Variants in TSPEAR observed in about 807,000 individuals in gnomAD.
TSPEAR encodes thrombospondin-type laminin G domain and EAR repeat-containing protein.
In TSPEAR, 69 loss-of-function variants were observed where a neutral mutation model predicts 71.6. The observed-to-expected ratio is 0.96, with a 90% confidence interval of 0.79 to 1.18. The LOEUF is 1.18. Ranked by LOEUF, TSPEAR falls within the 50% of genes most tolerant of loss-of-function variation. The pLI is 0.00. For missense variants in TSPEAR, 971 were observed against 894.9 expected (o/e 1.09, Z -1.09); for synonymous variants, 402 against 387.2 (o/e 1.04, Z -0.45).
chr21:44,679,731 C>A (rs1258392663), intron 1 of TSPEAR, among the ~76,000 whole-genome samples: 4 of 152,154 alleles, frequency 2.6e-5, no homozygotes, highest in African/African-American at 9.7e-5. Flanking sequence ...AGAAATAAAT[C>A]CATATATTTA....
At chr21:44,539,732 G>T (rs782810142) in intron 2 of TSPEAR, 2 of 1,612,580 alleles carry the variant, frequency 1.2e-6, no homozygotes, top group South Asian at 2.2e-5. Flanking sequence ...CACACAGCAG[G>T]ACTGCTGGCT....
intron 2 of TSPEAR, among the ~76,000 whole-genome samples, chr21:44,549,318 G>C (rs959228052): frequency 5.3e-5 from 8 of 152,300 alleles, no homozygotes; most frequent in African/African-American, 1.9e-4. Context: ...AACACTAAAG[G>C]ACTGATCAGG....
chr21:44,501,628 G>A (rs2052032756), intron 11 of TSPEAR, among the ~76,000 whole-genome samples: 1 of 152,112 alleles, frequency 6.6e-6, no homozygotes, highest in South Asian at 2.1e-4. Context: ...GCCAGGCATG[G>A]TTGGCCCATG....
At chr21:44,629,130 C>G (rs587696871) in intron 1 of TSPEAR, among the ~76,000 whole-genome samples, 4 of 152,332 alleles carry the variant, frequency 2.6e-5, no homozygotes, top group Admixed American at 1.3e-4. Context: ...CCACACCCCC[C>G]ACACTGGTGA....
chr21:44,684,472 T>C (rs116273005), intron 1 of TSPEAR, among the ~76,000 whole-genome samples: 2,641 of 152,306 alleles, frequency 0.017, 74 homozygotes, highest in African/African-American at 0.061. Context: ...AGTTCGAAGC[T>C]GCAGTGAGCT....
At chr21:44,500,118 C>T (rs937053202) in intron 11 of TSPEAR, among the ~76,000 whole-genome samples, 182 bp from the exon 12 acceptor site, 3 of 152,204 alleles carry the variant, frequency 2.0e-5, no homozygotes, top group African/African-American at 4.8e-5. Flanking sequence ...TCTCATCTTG[C>T]AAAGCAGGAG....
chr21:44,652,908 G>A (rs1555941747), intron 1 of TSPEAR, among the ~76,000 whole-genome samples: 1 of 152,172 alleles, frequency 6.6e-6, no homozygotes, highest in East Asian at 1.9e-4. Context: ...TGTAATCCCA[G>A]CACTTTGGGA....
intron 1 of TSPEAR, among the ~76,000 whole-genome samples, chr21:44,667,621 C>T (rs782271621): frequency 3.3e-5 from 5 of 152,116 alleles, no homozygotes; most frequent in Non-Finnish European, 5.9e-5. Context: ...AGTGAAGGGT[C>T]CCATGGACAG....
chr21:44,533,997 G>T, intron 2 of TSPEAR, 74 bp from the exon 3 acceptor site: 1 of 1,117,270 alleles, frequency 9.0e-7, no homozygotes, highest in Non-Finnish European at 1.3e-6. Flanking sequence ...AGATGGGAAT[G>T]GCAGAGGTGA....
At chr21:44,684,538 AC>A (rs1986766553) in intron 1 of TSPEAR, among the ~76,000 whole-genome samples, 1 of 152,174 alleles carries the variant, frequency 6.6e-6, no homozygotes, top group African/African-American at 2.4e-5. Flanking sequence ...GTCTCAAAAA[AC>A]CCCAGAAACT....
chr21:44,673,965 T>A (rs587691548), intron 1 of TSPEAR, among the ~76,000 whole-genome samples: 53 of 151,620 alleles, frequency 3.5e-4, no homozygotes, highest in African/African-American at 1.2e-3. Context: ...AAAATAACAG[T>A]GCTAAGAGGG....
Position 44,695,865 on chromosome 21 carries a change from A to G in TSPEAR, c.82+15568T>C, listed in dbSNP as rs1442294934. On this transcript the variant is annotated intron_variant, in intron 1 of 11. Coordinates refer to ENST00000323084, the MANE Select transcript of TSPEAR (RefSeq NM_144991.3). The surrounding 1 kb of genome is among the most constrained non-coding windows in gnomAD (Gnocchi z 4.5). ...AGGGGCCCATCCACCACACACCTCG[A>G]GCCCTCACCTGCTGGTCACTGCCTG... Among the ~76,000 whole-genome samples the G allele has an allele frequency of 6.6e-6, 1 of 152,046 alleles. No homozygotes were observed. Among genetic ancestry groups the G allele is most frequent in the Non-Finnish European group, 1.5e-5 (1 of 68,020 alleles).
chr21:44,521,042 T>C (rs587624916), intron 9 of TSPEAR, among the ~76,000 whole-genome samples: 1 of 152,292 alleles, frequency 6.6e-6, no homozygotes. Flanking sequence ...CAGAAGGCCC[T>C]GAGAACATTT....
intron 1 of TSPEAR, among the ~76,000 whole-genome samples, chr21:44,675,375 T>C (rs1272015714): frequency 6.6e-6 from 1 of 152,118 alleles, no homozygotes; most frequent in Non-Finnish European, 1.5e-5. Flanking sequence ...AAATTCAATA[T>C]CCTTCATGAT....
intron 11 of TSPEAR, among the ~76,000 whole-genome samples, chr21:44,504,268 G>GT (rs1295054726): frequency 1.3e-3 from 169 of 129,984 alleles, no homozygotes; most frequent in Middle Eastern, 5.2e-3. Flanking sequence ...TGAGCCCTCA[G>GT]GGGGAAGCAG....
intron 1 of TSPEAR, among the ~76,000 whole-genome samples, chr21:44,621,917 C>T (rs1324688839): frequency 6.6e-6 from 1 of 152,148 alleles, no homozygotes; most frequent in Non-Finnish European, 1.5e-5. Context: ...ATACATTTCC[C>T]TCATGGCCAT....
chr21:44,546,183 A>T lies in TSPEAR; in HGVS notation c.304-12260T>A, dbSNP rs1031333986. On this transcript the variant is annotated intron_variant, in intron 2 of 11. Coordinates refer to ENST00000323084, the MANE Select transcript of TSPEAR (RefSeq NM_144991.3). This position sits in a 1 kb window ranked among gnomAD's most constrained non-coding sequence, Gnocchi z 4.4. The stretch of plus-strand genomic sequence containing the variant: ...AAATTAGATAACTAATATGTAATGG[A>T]AGAATTCTTATAAACACACAAACTA... Among the ~76,000 whole-genome samples, 3 of 152,348 alleles carry T rather than the reference A, an allele frequency of 2.0e-5. No homozygotes were observed. The highest frequency in any genetic ancestry group is 3.4e-3 in the Middle Eastern group (1 of 294).
chr21:44,538,430 C>T (rs56200725), intron 2 of TSPEAR, among the ~76,000 whole-genome samples: 1 of 144,716 alleles, frequency 6.9e-6, no homozygotes, highest in Non-Finnish European at 1.5e-5. Flanking sequence ...CTGCCCCCCC[C>T]CCCCCCAAGA....
chr21:44,574,908 A>G (rs782001510), intron 1 of TSPEAR: 5 of 1,605,040 alleles, frequency 3.1e-6, no homozygotes, highest in Non-Finnish European at 4.2e-6. Context: ...CTGTGCTCCC[A>G]CCTCCTCCTG....
Sources: gnomAD v4.1 joint callset for allele counts (sites outside exome capture counted in the v4.1 genomes callset) on GRCh38, gnomAD v4.1.1 for gene constraint, Gnocchi (gnomAD v3.1) non-coding constraint, MANE v1.5 for transcripts, NCBI Gene and HGNC (gene_info 2026-07-23, HGNC 2026-07-21) for gene names.